The following WDR70 variants were observed in gnomAD, a reference collection of about 807,000 sequenced individuals.
WDR70 encodes WD repeat-containing protein 70.
WDR70 carries 53 observed loss-of-function variants against 88.6 expected under a neutral mutation model. That is an observed-to-expected ratio of 0.60 (90% confidence interval 0.48 to 0.75). The LOEUF (loss-of-function observed/expected upper bound fraction) is 0.75. Ranked by LOEUF, WDR70 falls within the 30% of genes least tolerant of loss-of-function variation. WDR70 has a pLI of 0.00. For missense variants in WDR70, 610 were observed against 823.2 expected, an observed-to-expected ratio of 0.74 and a Z score of 3.17; for synonymous variants, 280 against 270.0, an observed-to-expected ratio of 1.04 and a Z score of -0.36.
chr5:37,684,365 G>A lies in WDR70; in HGVS notation c.1093-13290G>A, dbSNP rs1746520556. Among the ~76,000 whole-genome samples the A allele has an allele frequency of 2.0e-5, 3 of 152,196 alleles. No individual in the cohort carries two copies. In the South Asian group the frequency reaches 6.2e-4, roughly 32 times the overall value. ...TAGTTCAGTCGTTTGGAGGAAAGAAGGCACTCTGGCTTTTTGAGTTGTCAG... is the reference window on the plus strand; with the variant it reads ...TAGTTCAGTCGTTTGGAGGAAAGAAAGCACTCTGGCTTTTTGAGTTGTCAG... On this transcript the variant is annotated intron_variant, in intron 10 of 17. Transcript: ENST00000265107.
At chr5:37,680,836 C>T (rs752507252) in intron 10 of WDR70, among the ~76,000 whole-genome samples, 153 of 152,274 alleles carry the variant, frequency 1.0e-3, no homozygotes, top group Admixed American at 1.6e-3. Context: ...TAGTGTGATG[C>T]ATCCAGCTTT....
At chr5:37,423,219 G>A (rs1228828911) in intron 5 of WDR70, among the ~76,000 whole-genome samples, 1 of 152,068 alleles carries the variant, frequency 6.6e-6, no homozygotes, top group Non-Finnish European at 1.5e-5. Context: ...GAGGTTTGGT[G>A]TGGTTAAACA....
intron 17 of WDR70, among the ~76,000 whole-genome samples, chr5:37,742,564 A>G (rs1169532228): frequency 6.6e-6 from 1 of 152,142 alleles, no homozygotes; most frequent in African/African-American, 2.4e-5. Context: ...CCTTTGAAGC[A>G]CAGAAGTTTT....
At chr5:37,621,676 G>C (rs192771643) in intron 10 of WDR70, among the ~76,000 whole-genome samples, 1 of 152,092 alleles carries the variant, frequency 6.6e-6, no homozygotes, top group Non-Finnish European at 1.5e-5. Context: ...CATTCTGTAG[G>C]TTGCCTGTTC....
At chr5:37,650,610 A>G (rs1401762139) in intron 10 of WDR70, among the ~76,000 whole-genome samples, 1 of 152,176 alleles carries the variant, frequency 6.6e-6, no homozygotes, top group East Asian at 1.9e-4. Flanking sequence ...GATATAGTAC[A>G]TGTAAGTGGA....
rs573668384 is a variant in WDR70, at chr5:37,676,682, G to T, written c.1093-20973G>T. Among the ~76,000 whole-genome samples the T allele has an allele frequency of 5.3e-5, 8 of 152,008 alleles. No individual in the cohort carries two copies. In the East Asian group the frequency reaches 1.5e-3, roughly 29 times the overall value. On this transcript the variant is annotated intron_variant, in intron 10 of 17. Coordinates refer to ENST00000265107, the MANE Select transcript of WDR70 (RefSeq NM_018034.4). ...TGCATCAATGTTCATCAAGGATATT[G>T]GTCTAAAATTCTCTTTTTTGGTTGT...
At chr5:37,721,870 T>C (rs1193057386) in intron 14 of WDR70, 1 of 152,234 alleles carries the variant, frequency 6.6e-6, no homozygotes, top group Non-Finnish European at 1.5e-5. Context: ...GTACAGTGAC[T>C]GATAAGCTTT....
intron 14 of WDR70, chr5:37,722,175 G>A (rs1054732396): frequency 6.6e-6 from 1 of 152,158 alleles, no homozygotes; most frequent in African/African-American, 2.4e-5. Context: ...AAATGCTAAT[G>A]TACTTAGGAT....
At chr5:37,572,915 T>C (rs912634920) in intron 9 of WDR70, among the ~76,000 whole-genome samples, 1 of 152,224 alleles carries the variant, frequency 6.6e-6, no homozygotes, top group African/African-American at 2.4e-5. Flanking sequence ...TTGTTCTAAC[T>C]CTTTTTAATT....
chr5:37,721,494 CTT>C (rs1747816188), intron 14 of WDR70: 1 of 457,816 alleles, frequency 2.2e-6, no homozygotes, highest in Admixed American at 3.4e-5. Flanking sequence ...GTTCTGCCCA[CTT>C]TGCATACCAC....
intron 9 of WDR70, among the ~76,000 whole-genome samples, chr5:37,569,837 G>A (rs1742849630): frequency 6.6e-6 from 1 of 152,142 alleles, no homozygotes; most frequent in South Asian, 2.1e-4. Flanking sequence ...ATAATTTTAG[G>A]CCTAAAGGAT....
At chr5:37,602,530 G>T (rs111309146) in intron 9 of WDR70, among the ~76,000 whole-genome samples, 3 of 151,334 alleles carry the variant, frequency 2.0e-5, no homozygotes, top group South Asian at 2.1e-4. Flanking sequence ...TCACTTAAAC[G>T]TGGGAGAATC....
In WDR70 at chr5:37,415,554, G is replaced by A. The variant is rs574291482; in HGVS notation, c.492+18984G>A. Among the ~76,000 whole-genome samples, 872 of 118,168 alleles carry A rather than the reference G, an allele frequency of 7.4e-3. 58 individuals are homozygous for A. Among genetic ancestry groups the A allele is most frequent in the African/African-American group, 0.024 (826 of 34,338 alleles). The allele number at this position is 118,168 out of a possible 152,430, so 77.5% of individuals were successfully genotyped here. On this transcript the variant is annotated intron_variant, in intron 5 of 17. Transcript: ENST00000265107. Reference sequence around the variant, plus strand: ...TCCCTCCCGGGTGGGGCGGCTGGCCGGGCAGGGGGCTGACCCCCCACCTCC... The same window carrying A: ...TCCCTCCCGGGTGGGGCGGCTGGCCAGGCAGGGGGCTGACCCCCCACCTCC...
At chr5:37,420,773 G>C (rs1394460814) in intron 5 of WDR70, among the ~76,000 whole-genome samples, 1 of 152,088 alleles carries the variant, frequency 6.6e-6, no homozygotes, top group Non-Finnish European at 1.5e-5. Flanking sequence ...AATAAGCCGA[G>C]TGTGCTGGTA....
intron 5 of WDR70, among the ~76,000 whole-genome samples, chr5:37,423,005 A>G (rs144243593): frequency 2.0e-5 from 3 of 152,278 alleles, no homozygotes; most frequent in African/African-American, 7.2e-5. Flanking sequence ...GTGGAGAGCC[A>G]TTGAAGGTTT....
In WDR70 at chr5:37,501,586, A is replaced by T. The variant is rs1589115; in HGVS notation, c.841-14928A>T. On this transcript the variant is annotated intron_variant, in intron 8 of 17. Coordinates refer to ENST00000265107, the MANE Select transcript of WDR70 (RefSeq NM_018034.4). ...GCCACATTCAAAGCCATTCCGGGCC[A>T]TGGTTTGGACAAGTTTGCTTTAATC... is the stretch of plus-strand genomic sequence containing the variant. Among the ~76,000 whole-genome samples the T allele has an allele frequency of 1.9e-3, 290 of 152,294 alleles. 1 individual carries two copies. Among genetic ancestry groups the T allele is most frequent in the African/African-American group, 6.7e-3 (278 of 41,534 alleles).
At chr5:37,735,929 A>G (rs934295516) in intron 17 of WDR70, among the ~76,000 whole-genome samples, 2 of 152,174 alleles carry the variant, frequency 1.3e-5, no homozygotes, top group African/African-American at 4.8e-5. Flanking sequence ...GGTGATGATA[A>G]CAAAGAGTCT....
chr5:37,644,181 G>C (rs1375091088), intron 10 of WDR70, among the ~76,000 whole-genome samples: 1 of 151,888 alleles, frequency 6.6e-6, no homozygotes, highest in Non-Finnish European at 1.5e-5. Flanking sequence ...TTTTTGGAGG[G>C]TTCATATCAT....
intron 10 of WDR70, among the ~76,000 whole-genome samples, chr5:37,611,978 T>C (rs1196945027): frequency 1.3e-5 from 2 of 152,154 alleles, no homozygotes; most frequent in African/African-American, 4.8e-5. Flanking sequence ...CAGCCCAGAC[T>C]AATGACCTCA....
Sources: allele counts gnomAD v4.1 joint callset (sites outside exome capture counted in the v4.1 genomes callset), GRCh38; gene constraint gnomAD v4.1.1; transcripts MANE v1.5; gene names NCBI Gene and HGNC (gene_info 2026-07-23, HGNC 2026-07-21).